The following NCOA3 variants were observed in gnomAD, a reference collection of about 807,000 sequenced individuals.
The protein encoded by NCOA3 is CBP-interacting protein.
A neutral mutation model predicts 158.8 loss-of-function variants in NCOA3; 51 were observed. That is an observed-to-expected ratio of 0.32 (90% CI 0.26 to 0.41). The LOEUF (loss-of-function observed/expected upper bound fraction) is 0.41. Among genes scored for constraint, NCOA3 ranks in the 10% least tolerant of loss-of-function variants. The probability of loss-of-function intolerance (pLI) is 1.00; values close to 1 mark genes in which losing one functional copy is unlikely to be tolerated. For missense variants in NCOA3, 1,510 were observed against 1,746.6 expected (o/e 0.86, Z 2.41); for synonymous variants, 537 against 592.4 (o/e 0.91, Z 1.36).
Position 47,655,142 on chromosome 20 carries a change from C to G in NCOA3, c.*1725C>G, listed in dbSNP as rs1489289579. 6.6e-6 allele frequency: 1 copy of G among 152,194 alleles called. No individual in the cohort carries two copies. The highest frequency in any genetic ancestry group is 6.5e-5 in the Admixed American group (1 of 15,276). The allele number at this position is 152,194 out of a possible 1,614,324, so 9.4% of individuals were successfully genotyped here. On this transcript the variant is annotated 3_prime_UTR_variant, in exon 23 of 23. Coordinates refer to ENST00000371998, the MANE Select transcript of NCOA3 (RefSeq NM_181659.3). Reference sequence around the variant, plus strand: ...TTCAGAGCCACAGTCTAACTGAGCACCTTTTAAACCCCTCCCTCTTCTGCC... The same window carrying G: ...TTCAGAGCCACAGTCTAACTGAGCAGCTTTTAAACCCCTCCCTCTTCTGCC...
intron 1 of NCOA3, among the ~76,000 whole-genome samples, chr20:47,577,417 A>G (rs530199582): frequency 1.1e-4 from 16 of 152,274 alleles, no homozygotes; most frequent in African/African-American, 3.9e-4. Context: ...TTCACATGTA[A>G]ATAGTGTTGA....
At chr20:47,563,882 C>T (rs1376445995) in intron 1 of NCOA3, among the ~76,000 whole-genome samples, 2 of 122,960 alleles carry the variant, frequency 1.6e-5, no homozygotes, top group African/African-American at 6.6e-5. Context: ...GAGCGAGATT[C>T]TGTCTCAAAA....
chr20:47,593,466 G>A (rs950309187), intron 2 of NCOA3, among the ~76,000 whole-genome samples: 6 of 146,482 alleles, frequency 4.1e-5, no homozygotes, highest in Admixed American at 7.1e-5. Flanking sequence ...CTCAGCCTCC[G>A]GAGTAGCTGC....
chr20:47,585,087 T>G (rs1763172548), intron 2 of NCOA3, among the ~76,000 whole-genome samples: 1 of 132,824 alleles, frequency 7.5e-6, no homozygotes, highest in Non-Finnish European at 1.6e-5. Context: ...AGACTCCCTC[T>G]GTCACCCAGG....
chr20:47,641,351 G>C (rs559950264), intron 16 of NCOA3, among the ~76,000 whole-genome samples: 105 of 142,684 alleles, frequency 7.4e-4, no homozygotes, highest in African/African-American at 2.7e-3. Context: ...TTTTTGAGAC[G>C]GAATCTGGCT....
At chr20:47,547,358 G>A (rs1219616132) in intron 1 of NCOA3, among the ~76,000 whole-genome samples, 6 of 151,716 alleles carry the variant, frequency 4.0e-5, no homozygotes, top group Admixed American at 3.9e-4. Flanking sequence ...TGTGGTGGGA[G>A]TACTTTAGGA....
chr20:47,651,854 G>A (rs903481194), intron 20 of NCOA3, among the ~76,000 whole-genome samples: 1 of 151,044 alleles, frequency 6.6e-6, no homozygotes, highest in Admixed American at 6.6e-5. Flanking sequence ...TTTTAATAGA[G>A]ACGGGGTTTC....
At chr20:47,504,729 G>T (rs2083999136) in intron 1 of NCOA3, among the ~76,000 whole-genome samples, 1 of 151,250 alleles carries the variant, frequency 6.6e-6, no homozygotes, top group African/African-American at 2.4e-5. Flanking sequence ...GCTTGAACCC[G>T]GGAGGCGGAG....
intron 1 of NCOA3, among the ~76,000 whole-genome samples, chr20:47,574,746 A>G (rs1295507836): frequency 2.6e-5 from 4 of 152,182 alleles, no homozygotes; most frequent in Non-Finnish European, 5.9e-5. Flanking sequence ...TTGCATAGCA[A>G]GTACAGGTCA....
At chr20:47,534,266 TA>T (rs11476485) in intron 1 of NCOA3, among the ~76,000 whole-genome samples, 54,925 of 140,586 alleles carry the variant, frequency 0.39, 10,349 homozygotes, top group Middle Eastern at 0.49. Flanking sequence ...TGGGATTCTT[TA>T]AAAAAAAAAA....
At chr20:47,617,423 G>C (rs1019899279) in intron 2 of NCOA3, among the ~76,000 whole-genome samples, 1 of 152,036 alleles carries the variant, frequency 6.6e-6, no homozygotes, top group African/African-American at 2.4e-5. Flanking sequence ...GTTTCTTACC[G>C]GTTAAGAACT....
intron 1 of NCOA3, among the ~76,000 whole-genome samples, chr20:47,568,956 G>GTT (rs537955083): frequency 1.5e-4 from 21 of 143,894 alleles, no homozygotes; most frequent in East Asian, 2.0e-4. Context: ...AATTAAAACA[G>GTT]TTTTTTTTTT....
intron 1 of NCOA3, among the ~76,000 whole-genome samples, chr20:47,547,058 A>G (rs2084842738): frequency 6.6e-6 from 1 of 152,178 alleles, no homozygotes; most frequent in South Asian, 2.1e-4. Flanking sequence ...GGAACCTCTG[A>G]CCTTATAGCA....
chr20:47,534,606 T>C (rs2084603076), intron 1 of NCOA3, among the ~76,000 whole-genome samples: 1 of 152,344 alleles, frequency 6.6e-6, no homozygotes, highest in South Asian at 2.1e-4. Context: ...TACTTTAGAT[T>C]ACTGACATCT....
chr20:47,649,969 C>T (rs995667661), intron 19 of NCOA3, among the ~76,000 whole-genome samples: 3 of 151,880 alleles, frequency 2.0e-5, no homozygotes, highest in African/African-American at 7.3e-5. Context: ...TCAAGATTTT[C>T]TGAGGTGGAC....
chr20:47,585,828 G>T (rs1452771577), intron 2 of NCOA3, among the ~76,000 whole-genome samples: 1 of 151,774 alleles, frequency 6.6e-6, no homozygotes, highest in Non-Finnish European at 1.5e-5. Context: ...ATCTATCCAA[G>T]TTACCAGCCT....
chr20:47,627,994 A>G lies in NCOA3; in HGVS notation c.794A>G (p.Glu265Gly), dbSNP rs567718975. ...GAAAGAACATTTCCATCAAACCCTG[A>G]GAGCTTTATTACCAGACATGATCTT... ...TGERTFPSNP[E>G]SFITRHDLSG... The change falls in exon 8 of 23, where the codon GAG (glutamate) becomes GGG (glycine). Residue 265 changes from glutamate (E) to glycine (G), a missense_variant. Around this residue, in one of 4 missense-constraint regions of NCOA3, gnomAD observed 309 missense variants for 427.1 expected, o/e 0.72. Transcript: ENST00000371998. 1.2e-6 allele frequency: 2 copies of G among 1,613,892 alleles called. No individual in the cohort carries two copies. The highest frequency in any genetic ancestry group is 2.7e-5 in the African/African-American group (2 of 75,034).
intron 1 of NCOA3, among the ~76,000 whole-genome samples, chr20:47,515,254 C>T (rs2084213592): frequency 6.6e-6 from 1 of 151,532 alleles, no homozygotes; most frequent in Admixed American, 6.6e-5. Context: ...CCTCCGCCTC[C>T]TGAGTTCAAA....
chr20:47,553,763 G>A (rs948441125), intron 1 of NCOA3, among the ~76,000 whole-genome samples: 3 of 152,092 alleles, frequency 2.0e-5, no homozygotes, highest in African/African-American at 4.8e-5. Flanking sequence ...ATTCCATGGT[G>A]TATATGTGCC....
Sources: allele counts gnomAD v4.1 joint callset (sites outside exome capture counted in the v4.1 genomes callset), GRCh38; gene constraint gnomAD v4.1.1; regional missense constraint gnomAD v4.1.1; transcripts MANE v1.5; gene names NCBI Gene and HGNC (gene_info 2026-07-23, HGNC 2026-07-21).